NGFR: variants seen among roughly 807,000 people sequenced by gnomAD.
NGFR encodes the protein tumor necrosis factor receptor superfamily member 16.
NGFR carries 30 observed loss-of-function variants against 43.2 expected under a neutral mutation model. The ratio of observed to expected loss-of-function variants is 0.69; its 90% CI spans 0.52 to 0.94. The LOEUF is 0.94. NGFR is among the 40% of genes least tolerant of loss of function. The probability of loss-of-function intolerance (pLI) is 0.00; values close to 1 mark genes in which losing one functional copy is unlikely to be tolerated. For synonymous variants in NGFR, 246 were observed against 259.6 expected (o/e 0.95, Z 0.50); for missense variants, 529 against 602.5 (o/e 0.88, Z 1.28).
chr17:49,514,102 T>C lies in NGFR; in HGVS notation c.*1093T>C, dbSNP rs7224806. 0.1 allele frequency: 15,217 copies of C among 152,542 alleles called. 893 individuals are homozygous for C. The highest frequency in any genetic ancestry group is 0.25 in the East Asian group (1,302 of 5,178). 9.4% of individuals were successfully genotyped at this position (152,542 alleles called of 1,614,324 possible). A position where few individuals can be genotyped will look rare whatever the true frequency, so the allele number is the denominator to read the frequency against. On this transcript the variant is annotated 3_prime_UTR_variant, in exon 6 of 6. Transcript: ENST00000172229. ...GAAATCTCACTTTTCTCCATGAGTT[T>C]TTTCTCTTGGGCTGAGACTGGATAC...
In NGFR at chr17:49,495,335, C is replaced by T. The variant is rs2071131746; in HGVS notation, c.-83C>T. 1.8e-6 allele frequency: 2 copies of T among 1,090,642 alleles called. No homozygotes were observed. The highest frequency in any genetic ancestry group is 6.5e-5 in the East Asian group (2 of 30,604). The allele number at this position is 1,090,642 out of a possible 1,614,324, so 67.6% of individuals were successfully genotyped here. A position where few individuals can be genotyped will look rare whatever the true frequency, so the allele number is the denominator to read the frequency against. On this transcript the variant is annotated 5_prime_UTR_variant, in exon 1 of 6. Transcript: ENST00000172229. The surrounding 1 kb of genome is among the most constrained non-coding windows in gnomAD (Gnocchi z 6.4). ...GGCCAGCTCCGGCGGGCAGGGGGGG[C>T]GCTGGAGCGCAGCGCAGCGCAGCCC...
In NGFR at chr17:49,502,091, G is replaced by GC; in HGVS notation, c.99dup (p.Thr34HisfsTer9). 6.3e-7 allele frequency: 1 copy of GC among 1,577,460 alleles called. No homozygotes were observed. The highest frequency in any genetic ancestry group is 8.6e-7 in the Non-Finnish European group (1 of 1,156,762). On this transcript the variant is annotated frameshift_variant, in exon 2 of 6. Coordinates refer to ENST00000172229, the MANE Select transcript of NGFR (RefSeq NM_002507.4). LOFTEE classifies it high-confidence loss of function. ...TCCCTTGGAGGTGCCAAGGAGGCAT[G>GC]CCCCACAGGCCTGTACACACACAGC...
chr17:49,508,318 C>T (rs1363853045), intron 3 of NGFR, among the ~76,000 whole-genome samples: 1 of 152,182 alleles, frequency 6.6e-6, no homozygotes, highest in Non-Finnish European at 1.5e-5. Context: ...GTGGGAGGAG[C>T]AGGCTTTGTC....
rs533829257 is a variant in NGFR at position 49,506,962 on chromosome 17, C to T, written c.568+304C>T. Among the ~76,000 whole-genome samples the T allele has an allele frequency of 9.2e-5, 14 of 152,280 alleles. No individual in the cohort carries two copies. In the South Asian group the frequency reaches 2.7e-3, roughly 29 times the overall value. On this transcript the variant is annotated intron_variant, in intron 3 of 5. Transcript: ENST00000172229. ...CTACATTGTAACTCATCCTCCGGGA[C>T]GCATTTCTCTGTGGCTTCCCGCTAG...
At chr17:49,511,456 C>T (rs1261826317) in intron 4 of NGFR, among the ~76,000 whole-genome samples, 1 of 152,082 alleles carries the variant, frequency 6.6e-6, no homozygotes, top group Non-Finnish European at 1.5e-5. Context: ...TCATTTGTAA[C>T]CACTCATTCA....
Position 49,512,199 on chromosome 17 carries a change from G to C in NGFR, c.982+147G>C. On this transcript the variant is annotated intron_variant, in intron 5 of 5. Transcript: ENST00000172229. This position sits in a 1 kb window ranked among gnomAD's most constrained non-coding sequence, Gnocchi z 5.2. ...TAGATGGATGGAGAGGCTGGCCGAG[G>C]GGAATGGGAGGGAGAGGTCCTCTCT... 1.0e-6 allele frequency: 1 copy of C among 1,001,262 alleles called. No individual in the cohort carries two copies. 62.0% of individuals were successfully genotyped at this position (1,001,262 alleles called of 1,614,324 possible).
At position 49,513,025 on chromosome 17, in the gene NGFR, C is replaced by G. The variant is rs774572001; in HGVS notation, c.*16C>G. The G allele has an allele frequency of 4.7e-6, 7 of 1,492,432 alleles. No homozygotes were observed. The South Asian group carries it at 7.9e-5, about 17-fold the overall frequency. 92.4% of individuals were successfully genotyped at this position (1,492,432 alleles called of 1,614,324 possible). ...CCCGGTGTGAGCCCAACCGGGGAGC[C>G]CCCGCCCCGCCCCACATTCCGACAA... On this transcript the variant is annotated 3_prime_UTR_variant, in exon 6 of 6. Coordinates refer to ENST00000172229, the MANE Select transcript of NGFR (RefSeq NM_002507.4).
In NGFR at chr17:49,512,863, G is replaced by A; in HGVS notation, c.1138G>A (p.Ala380Thr). The change falls in exon 6 of 6, where the codon GCC becomes ACC. Residue 380 changes from alanine to threonine, a missense_variant. Ala to Thr is a moderately conservative substitution (Grantham distance 58). Coordinates refer to ENST00000172229, the MANE Select transcript of NGFR (RefSeq NM_002507.4). This position sits in a 1 kb window ranked among gnomAD's most constrained non-coding sequence, Gnocchi z 5.2. ...GCACATAGACTCCTTTACCCATGAG[G>A]CCTGCCCCGTTCGCGCCCTGCTTGC... is the stretch of plus-strand genomic sequence containing the variant. ...PEHIDSFTHE[A>T]CPVRALLASW... 1 of 1,613,346 alleles carries A rather than the reference G, an allele frequency of 6.2e-7. No homozygotes were observed. The highest frequency in any genetic ancestry group is 8.5e-7 in the Non-Finnish European group (1 of 1,179,914).
intron 1 of NGFR, 63 bp from the exon 2 acceptor site, chr17:49,502,000 A>ACCGCCC: frequency 2.3e-5 from 6 of 264,886 alleles, no homozygotes; most frequent in Non-Finnish European, 4.7e-5. Context: ...CCCCGGAAGA[A>ACCGCCC]CCCCCCCCAA....
rs2071237173 is a variant in NGFR, at chr17:49,512,115, G to A, written c.982+63G>A. The A allele has an allele frequency of 2.6e-6, 4 of 1,565,348 alleles. No homozygotes were observed. The highest frequency in any genetic ancestry group is 2.6e-6 in the Non-Finnish European group (3 of 1,153,734). ...AGGCTGAGGAAACAGAAGCAATTAA[G>A]ATTAGACTCCAGGAAGGACTGTCGG... On this transcript the variant is annotated intron_variant, in intron 5 of 5. Coordinates refer to ENST00000172229, the MANE Select transcript of NGFR (RefSeq NM_002507.4). The surrounding 1 kb of genome is among the most constrained non-coding windows in gnomAD (Gnocchi z 5.2).
At position 49,504,091 on chromosome 17, in the gene NGFR, C is replaced by T. The variant is rs564779640; in HGVS notation, c.208+1887C>T. On this transcript the variant is annotated intron_variant, in intron 2 of 5. Transcript: ENST00000172229. ...CATTAACAGGCTGCCTTTACAAGCC[C>T]ACTTTATGGGACGGAGACCCCAGCG... Among the ~76,000 whole-genome samples, 5 of 152,264 alleles carry T rather than the reference C, an allele frequency of 3.3e-5. No individual in the cohort carries two copies. The South Asian group carries it at 8.3e-4, about 25-fold the overall frequency.
chr17:49,505,811 T>C (rs1043708392), intron 2 of NGFR: 1 of 155,800 alleles, frequency 6.4e-6, no homozygotes, highest in Admixed American at 6.5e-5. Context: ...TTAGGCTGCA[T>C]CTGAGCCCAC....
rs1037679266 is a variant in NGFR, at chr17:49,513,235, C to A, written c.*226C>A. On this transcript the variant is annotated 3_prime_UTR_variant, in exon 6 of 6. Transcript: ENST00000172229. ...TTCCTGTCCAGAGAGAGAAGTGCCCCTGCTGCCTCCCCAACCCTGCCCCTG... is the reference window on the plus strand; with the variant it reads ...TTCCTGTCCAGAGAGAGAAGTGCCCATGCTGCCTCCCCAACCCTGCCCCTG... 6 of 537,478 alleles carry A rather than the reference C, an allele frequency of 1.1e-5. No homozygotes were observed. The highest frequency in any genetic ancestry group is 7.3e-5 in the Admixed American group (2 of 27,280). The allele number at this position is 537,478 out of a possible 1,614,324, so 33.3% of individuals were successfully genotyped here. A position where few individuals can be genotyped will look rare whatever the true frequency, so the allele number is the denominator to read the frequency against.
chr17:49,498,588 T>C (rs1331277066), intron 1 of NGFR, among the ~76,000 whole-genome samples: 1 of 152,242 alleles, frequency 6.6e-6, no homozygotes, highest in East Asian at 1.9e-4. Context: ...TTCAACTGTT[T>C]CGCTGTTTCT....
chr17:49,513,011 C>T lies in NGFR; in HGVS notation c.*2C>T, dbSNP rs777662727. On this transcript the variant is annotated 3_prime_UTR_variant, in exon 6 of 6. Coordinates refer to ENST00000172229, the MANE Select transcript of NGFR (RefSeq NM_002507.4). ...TCCACTGCCACATCCCCGGTGTGAG[C>T]CCAACCGGGGAGCCCCCGCCCCGCC... The T allele has an allele frequency of 6.5e-7, 1 of 1,540,360 alleles. No individual in the cohort carries two copies. The highest frequency in any genetic ancestry group is 1.4e-5 in the African/African-American group (1 of 73,612).
At position 49,512,233 on chromosome 17, in the gene NGFR, G is replaced by A. The variant is rs575226282; in HGVS notation, c.982+181G>A. On this transcript the variant is annotated intron_variant, in intron 5 of 5. Transcript: ENST00000172229. The surrounding 1 kb of genome is among the most constrained non-coding windows in gnomAD (Gnocchi z 5.2). ...AGGGAGAGGTCCTCTCTAGAGGAAC[G>A]ACTTGGGAAATGGAGGCTTTTACAA... Among the ~76,000 whole-genome samples the A allele has an allele frequency of 5.3e-5, 8 of 152,350 alleles. No homozygotes were observed. Among genetic ancestry groups the A allele is most frequent in the East Asian group, 3.9e-4 (2 of 5,188 alleles).
Position 49,502,065 on chromosome 17 carries a change from G to T in NGFR, c.69G>T (p.Val23=). 1 of 1,524,566 alleles carries T rather than the reference G, an allele frequency of 6.6e-7. No individual in the cohort carries two copies. 94.4% of individuals were successfully genotyped at this position (1,524,566 alleles called of 1,614,324 possible). Residue 23 remains valine, a splice_region_variant and synonymous_variant, in exon 2 of 6, where the codon GTG becomes GTT. Coordinates refer to ENST00000172229, the MANE Select transcript of NGFR (RefSeq NM_002507.4). ...PRLLLLLLLG[V]SLGGAKEACP... is the part of the protein sequence containing the mutation. Reference sequence around the variant, plus strand: ...CCCTCCGATCTCCCTCCATCCAGGTGTCCCTTGGAGGTGCCAAGGAGGCAT... The same window carrying T: ...CCCTCCGATCTCCCTCCATCCAGGTTTCCCTTGGAGGTGCCAAGGAGGCAT...
intron 4 of NGFR, chr17:49,510,902 C>T (rs780083606): frequency 1.3e-5 from 7 of 546,206 alleles, no homozygotes; most frequent in Non-Finnish European, 2.0e-5. Context: ...GCCCCTCCCA[C>T]TCCCATGCCG....
intron 1 of NGFR, 63 bp from the exon 2 acceptor site, chr17:49,502,000 A>AGGGGCCCCCCCCCCCCC: frequency 1.1e-5 from 3 of 264,884 alleles, no homozygotes; most frequent in East Asian, 8.6e-5. Context: ...CCCCGGAAGA[A>AGGGGCCCCCCCCCCCCC]CCCCCCCCAA....
Sources: gnomAD v4.1 joint callset for allele counts (sites outside exome capture counted in the v4.1 genomes callset) on GRCh38, gnomAD v4.1.1 for gene constraint, Gnocchi (gnomAD v3.1) non-coding constraint, MANE v1.5 for transcripts, NCBI Gene and HGNC (gene_info 2026-07-23, HGNC 2026-07-21) for gene names.